The following SPART variants were observed in gnomAD, a reference collection of about 807,000 sequenced individuals.
The protein encoded by SPART is spartin.
Under a neutral mutation model 58.7 loss-of-function variants are expected in SPART, and 35 were observed. The ratio of observed to expected loss-of-function variants is 0.60; its 90% CI spans 0.46 to 0.79. SPART has a LOEUF of 0.79. Ranked by LOEUF, SPART falls within the 30% of genes least tolerant of loss-of-function variation. The pLI is 0.00. For synonymous variants in SPART, 284 were observed against 280.7 expected (o/e 1.01, Z -0.12); for missense variants, 730 against 786.1 (o/e 0.93, Z 0.85).
At chr13:36,315,600 G>A (rs1395151328) in intron 5 of SPART, among the ~76,000 whole-genome samples, 4 of 152,110 alleles carry the variant, frequency 2.6e-5, no homozygotes, top group Non-Finnish European at 4.4e-5. Context: ...TCTACCTCCA[G>A]CTCCAATCCT....
At chr13:36,347,583 T>C (rs987349206), upstream of SPART, among the ~76,000 whole-genome samples, 6 of 152,042 alleles carry the variant, frequency 3.9e-5, no homozygotes, top group African/African-American at 1.4e-4. Context: ...CCCTCAAATC[T>C]CAGAAAGGTA....
intron 1 of SPART, among the ~76,000 whole-genome samples, chr13:36,363,018 T>TA (rs1885922883): frequency 2.0e-5 from 3 of 151,920 alleles, no homozygotes; most frequent in Admixed American, 1.3e-4. Context: ...AATATTTTTT[T>TA]TAAAAAAAAG....
chr13:36,365,284 C>A (rs551029843), intron 1 of SPART, among the ~76,000 whole-genome samples: 1 of 152,230 alleles, frequency 6.6e-6, no homozygotes, highest in Non-Finnish European at 1.5e-5. Context: ...GTAAAAACTA[C>A]CACATCTGTG....
intron 5 of SPART, among the ~76,000 whole-genome samples, chr13:36,314,643 TAGA>T (rs1267324854): frequency 1.3e-5 from 2 of 152,328 alleles, no homozygotes; most frequent in East Asian, 3.9e-4. Context: ...ACCTAGTACC[TAGA>T]AGGCCTGAGA....
At chr13:36,320,854 CA>C (rs1276363205) in intron 5 of SPART, among the ~76,000 whole-genome samples, 4 of 152,160 alleles carry the variant, frequency 2.6e-5, no homozygotes, top group African/African-American at 9.7e-5. Context: ...TGACAACAGA[CA>C]AGCCTTTATT....
upstream of SPART, among the ~76,000 whole-genome samples, chr13:36,349,818 G>GT (rs778974514): frequency 1.2e-4 from 19 of 152,332 alleles, no homozygotes; most frequent in Middle Eastern, 3.4e-3. Flanking sequence ...GCCAAGAAAG[G>GT]TGGGGGAAAG....
At chr13:36,359,051 T>G (rs1885735343) in intron 1 of SPART, among the ~76,000 whole-genome samples, 2 of 152,182 alleles carry the variant, frequency 1.3e-5, no homozygotes, top group African/African-American at 4.8e-5. Context: ...GATGAAGAAG[T>G]AGAAGCTCAG....
rs569894085 is a variant in SPART at position 36,328,860 on chromosome 13, C to T, written c.1164+502G>A. ...AAAAAAAAGACAGTAGCATATCTAG[C>T]CCCCAAGCTCTTAGTGAATATAGGA... On this transcript the variant is annotated intron_variant, in intron 4 of 8. Transcript: ENST00000438666. Among the ~76,000 whole-genome samples the T allele has an allele frequency of 4.9e-4, 75 of 152,178 alleles. 2 individuals are homozygous for T. Among genetic ancestry groups the T allele is most frequent in the Non-Finnish European group, 2.1e-4 (14 of 68,000 alleles).
rs1386172948 is a variant in SPART, at chr13:36,329,361, C to T, written c.1164+1G>A. ...CACACACTTATTACTCTTTTATTTA[C>T]CCTTTTTCCACGTTTTCCTTTATGA... On this transcript the variant is annotated splice_donor_variant, in intron 4 of 8. Coordinates refer to ENST00000438666, the MANE Select transcript of SPART (RefSeq NM_015087.5). LOFTEE classifies it high-confidence loss of function. 41 of 1,613,896 alleles carry T rather than the reference C, an allele frequency of 2.5e-5. No individual in the cohort carries two copies. The highest frequency in any genetic ancestry group is 3.4e-5 in the Non-Finnish European group (40 of 1,179,942).
intron 1 of SPART, among the ~76,000 whole-genome samples, chr13:36,357,429 GA>G (rs957100079): frequency 2.0e-5 from 3 of 152,144 alleles, no homozygotes; most frequent in Non-Finnish European, 4.4e-5. Flanking sequence ...GGCCTCCTCG[GA>G]AAAAGCCCCT....
chr13:36,313,901 C>T, intron 6 of SPART: 1 of 344,604 alleles, frequency 2.9e-6, no homozygotes, highest in Non-Finnish European at 5.4e-6. Context: ...CACACATTCT[C>T]CTCTCCAACA....
At chr13:36,316,013 A>G (rs561948080) in intron 5 of SPART, among the ~76,000 whole-genome samples, 1 of 152,362 alleles carries the variant, frequency 6.6e-6, no homozygotes, top group African/African-American at 2.4e-5. Context: ...CTGCAACAGA[A>G]GATAAGGAAA....
rs541919838 is a variant in SPART, at chr13:36,328,026, C to T, written c.1165-1328G>A. On this transcript the variant is annotated intron_variant, in intron 4 of 8. Transcript: ENST00000438666. ...GAGGAGACAGGGGAAGATTATGTGT[C>T]TGGACACATAATTATGTGGACAGGA... is the stretch of plus-strand genomic sequence containing the variant. Among the ~76,000 whole-genome samples the T allele has an allele frequency of 2.6e-5, 4 of 152,150 alleles. No homozygotes were observed. In the South Asian group the frequency reaches 8.3e-4, roughly 31 times the overall value.
chr13:36,345,228 G>GA (rs1156786424), intron 1 of SPART, among the ~76,000 whole-genome samples: 1 of 152,176 alleles, frequency 6.6e-6, no homozygotes, highest in Admixed American at 6.5e-5. Flanking sequence ...GCTTCTTAGG[G>GA]AAACCATAGA....
At chr13:36,365,555 T>C (rs540408813) in intron 1 of SPART, 7 of 459,378 alleles carry the variant, frequency 1.5e-5, no homozygotes, top group Non-Finnish European at 2.7e-5. Flanking sequence ...AAACCGCCTA[T>C]TGATACCTAC....
At chr13:36,324,688 C>T (rs967388985) in intron 5 of SPART, among the ~76,000 whole-genome samples, 43 of 152,136 alleles carry the variant, frequency 2.8e-4, no homozygotes, top group African/African-American at 9.7e-4. Context: ...TTTTCACTTG[C>T]GTGCATGTGA....
chr13:36,317,788 A>C (rs1037301944), intron 5 of SPART, among the ~76,000 whole-genome samples: 4 of 151,984 alleles, frequency 2.6e-5, no homozygotes, highest in African/African-American at 9.7e-5. Context: ...CCTTACCTAA[A>C]ACCTAAATGT....
At chr13:36,318,196 C>T (rs1382000088) in intron 5 of SPART, among the ~76,000 whole-genome samples, 3 of 152,164 alleles carry the variant, frequency 2.0e-5, no homozygotes, top group Non-Finnish European at 2.9e-5. Context: ...TTTTTATCAC[C>T]TCCCCTCCTC....
chr13:36,339,407 G>A (rs1884345312), intron 1 of SPART, among the ~76,000 whole-genome samples: 1 of 151,650 alleles, frequency 6.6e-6, no homozygotes, highest in Admixed American at 6.6e-5. Flanking sequence ...GGCTGAGGCG[G>A]GCAGATCACC....
Sources: gnomAD v4.1 joint callset for allele counts (sites outside exome capture counted in the v4.1 genomes callset) on GRCh38, gnomAD v4.1.1 for gene constraint, MANE v1.5 for transcripts, NCBI Gene and HGNC (gene_info 2026-07-23, HGNC 2026-07-21) for gene names.